Variants in MLIP observed in about 807,000 individuals in gnomAD.
MLIP encodes muscular LMNA interacting protein.
Under a neutral mutation model 84.8 loss-of-function variants are expected in MLIP, and 79 were observed. The ratio of observed to expected loss-of-function variants is 0.93; its 90% CI spans 0.78 to 1.12. The LOEUF is 1.12. MLIP is among the 50% of genes most tolerant of loss of function. MLIP has a pLI of 0.00. For missense variants in MLIP, 1,257 were observed against 1,160.6 expected, an observed-to-expected ratio of 1.08 and a Z score of -1.21; for synonymous variants, 504 against 463.0, an observed-to-expected ratio of 1.09 and a Z score of -1.14.
chr6:54,248,293 T>A (rs1411947883), intron 12 of MLIP, among the ~76,000 whole-genome samples: 1 of 152,188 alleles, frequency 6.6e-6, no homozygotes, highest in Non-Finnish European at 1.5e-5. Flanking sequence ...TTGCCTGTAG[T>A]ACTAAGTAAT....
intron 1 of MLIP, among the ~76,000 whole-genome samples, chr6:54,048,829 G>A (rs976290209): frequency 2.0e-5 from 3 of 152,080 alleles, no homozygotes; most frequent in African/African-American, 7.2e-5. Context: ...TATTGGCTGA[G>A]TTTTAGATAA....
intron 12 of MLIP, among the ~76,000 whole-genome samples, chr6:54,249,981 G>T (rs958258297): frequency 1.3e-5 from 2 of 151,868 alleles, no homozygotes; most frequent in African/African-American, 4.8e-5. Flanking sequence ...CCCAGTGTCT[G>T]TTCCCTTTTA....
At chr6:54,111,973 A>G (rs1450285721) in intron 1 of MLIP, among the ~76,000 whole-genome samples, 1 of 152,240 alleles carries the variant, frequency 6.6e-6, no homozygotes, top group African/African-American at 2.4e-5. Context: ...ACAGTTTCTC[A>G]AATTATTAGG....
chr6:54,265,097 C>G (rs1181215439), intron 13 of MLIP, among the ~76,000 whole-genome samples: 1 of 152,020 alleles, frequency 6.6e-6, no homozygotes, highest in Non-Finnish European at 1.5e-5. Context: ...TATTTTCTAC[C>G]AGGCATTTCG....
intron 1 of MLIP, among the ~76,000 whole-genome samples, chr6:54,091,206 T>C (rs780217543): frequency 1.8e-4 from 28 of 152,138 alleles, no homozygotes; most frequent in Non-Finnish European, 3.4e-4. Flanking sequence ...CCCTGGTTGA[T>C]GAGTGAAAGC....
chr6:54,078,937 G>A (rs543845418), intron 1 of MLIP, among the ~76,000 whole-genome samples: 232 of 151,900 alleles, frequency 1.5e-3, no homozygotes, highest in Middle Eastern at 6.8e-3. Context: ...GTGATCTGCC[G>A]GCCTTGGCCT....
chr6:54,185,441 AT>A (rs1389066970), intron 9 of MLIP, among the ~76,000 whole-genome samples: 2 of 152,182 alleles, frequency 1.3e-5, no homozygotes, highest in African/African-American at 4.8e-5. Flanking sequence ...TCTTATTATT[AT>A]GTCATGATTC....
chr6:54,172,807 T>A (rs1401051161), intron 9 of MLIP, among the ~76,000 whole-genome samples: 2 of 151,634 alleles, frequency 1.3e-5, no homozygotes, highest in African/African-American at 2.4e-5. Context: ...ATACAGTCTG[T>A]TTTTTAGGAT....
intron 11 of MLIP, chr6:54,217,326 G>A: frequency 2.0e-6 from 2 of 985,340 alleles, no homozygotes; most frequent in Non-Finnish European, 1.2e-6. Context: ...TTAATAAGAA[G>A]AGCTCAAAAT....
chr6:54,178,943 TTC>T (rs1243293243), intron 9 of MLIP, among the ~76,000 whole-genome samples: 1 of 152,180 alleles, frequency 6.6e-6, no homozygotes, highest in Non-Finnish European at 1.5e-5. Flanking sequence ...AGTCTGATGT[TTC>T]TCTGTTGATT....
intron 5 of MLIP, among the ~76,000 whole-genome samples, chr6:54,157,293 G>C (rs1201997808): frequency 6.6e-6 from 1 of 152,072 alleles, no homozygotes; most frequent in Admixed American, 6.6e-5. Context: ...GCCCAATATT[G>C]TGTGCTACCT....
At chr6:54,250,067 T>C (rs1363562622) in intron 12 of MLIP, among the ~76,000 whole-genome samples, 1 of 152,018 alleles carries the variant, frequency 6.6e-6, no homozygotes, top group Non-Finnish European at 1.5e-5. Flanking sequence ...TGTTCCTGTG[T>C]TATTTCACTA....
intron 1 of MLIP, chr6:54,083,671 A>G: frequency 4.0e-6 from 6 of 1,510,718 alleles, no homozygotes; most frequent in Non-Finnish European, 5.3e-6. Context: ...CCTGTTATAC[A>G]TTTAACATCA....
At chr6:54,181,228 G>A (rs1776828700) in intron 9 of MLIP, among the ~76,000 whole-genome samples, 1 of 152,130 alleles carries the variant, frequency 6.6e-6, no homozygotes, top group Non-Finnish European at 1.5e-5. Flanking sequence ...ACAATACAAA[G>A]TTCTTTCTGC....
intron 1 of MLIP, among the ~76,000 whole-genome samples, chr6:54,035,487 T>C (rs1764376345): frequency 6.6e-6 from 1 of 152,136 alleles, no homozygotes; most frequent in African/African-American, 2.4e-5. Flanking sequence ...GCTAAAAGTG[T>C]AACTGCTGAG....
chr6:54,209,060 T>A (rs1424110589), intron 11 of MLIP, among the ~76,000 whole-genome samples: 1 of 152,192 alleles, frequency 6.6e-6, no homozygotes, highest in South Asian at 2.1e-4. Context: ...TCTTTGAATA[T>A]GAATGCTAAG....
intron 11 of MLIP, among the ~76,000 whole-genome samples, chr6:54,213,627 G>A (rs57136553): frequency 0.031 from 4,679 of 148,806 alleles, 215 homozygotes; most frequent in African/African-American, 0.11. Flanking sequence ...GCTTGAACCC[G>A]GGAGGTGGAG....
At chr6:54,122,037 T>G (rs1192410506) in intron 2 of MLIP, among the ~76,000 whole-genome samples, 2 of 152,206 alleles carry the variant, frequency 1.3e-5, no homozygotes, top group Non-Finnish European at 2.9e-5. Flanking sequence ...ATGCTTACAC[T>G]TTGCTGCTGG....
At chr6:54,129,333 T>A (rs1771187443) in intron 3 of MLIP, among the ~76,000 whole-genome samples, 1 of 152,072 alleles carries the variant, frequency 6.6e-6, no homozygotes, top group African/African-American at 2.4e-5. Flanking sequence ...TGACAAAAAA[T>A]ATTTTTCTCA....
Sources: allele counts gnomAD v4.1 joint callset (sites outside exome capture counted in the v4.1 genomes callset), GRCh38; gene constraint gnomAD v4.1.1; transcripts MANE v1.5; gene names NCBI Gene and HGNC (gene_info 2026-07-23, HGNC 2026-07-21).